RFWD3: variants seen among roughly 807,000 people sequenced by gnomAD.
The protein encoded by RFWD3 is E3 ubiquitin-protein ligase RFWD3.
A neutral mutation model predicts 87.7 loss-of-function variants in RFWD3; 65 were observed. The observed-to-expected ratio is 0.74, with a 90% CI of 0.61 to 0.91. The LOEUF (loss-of-function observed/expected upper bound fraction) is 0.91, where lower values mean the gene tolerates loss of function less well. Among genes scored for constraint, RFWD3 ranks in the 40% least tolerant of loss-of-function variants. The pLI, the probability that RFWD3 is intolerant of heterozygous loss-of-function variation, is 0.00. For synonymous variants in RFWD3, 433 were observed against 352.8 expected, an observed-to-expected ratio of 1.23 and a Z score of -2.55; for missense variants, 1,078 against 938.5, an observed-to-expected ratio of 1.15 and a Z score of -1.94.
At chr16:74,633,605 G>C (rs892881870) in intron 8 of RFWD3, among the ~76,000 whole-genome samples, 6 of 152,128 alleles carry the variant, frequency 3.9e-5, no homozygotes, top group Admixed American at 1.3e-4. Flanking sequence ...TGGGAGAGGA[G>C]GGAGGGGCAG....
Position 74,632,528 on chromosome 16 carries a change from CA to C in RFWD3, c.1571del (p.Leu524ArgfsTer56). 1 of 1,613,646 alleles carries C rather than the reference CA, an allele frequency of 6.2e-7. No individual in the cohort carries two copies. The highest frequency in any genetic ancestry group is 8.5e-7 in the Non-Finnish European group (1 of 1,179,724). On this transcript the variant is annotated frameshift_variant, in exon 9 of 13. Transcript: ENST00000361070. LOFTEE classifies it high-confidence loss of function. Reference protein sequence around the residue: ...LSASLDNTIKLTSLETNTVVQ... With the variant: ...LSASLDNTIKXTSLETNTVVQ... Reference sequence around the variant, plus strand: ...TACTTCCCCAAATCACTCACCTGGTCAGTTTAATAGTGTTGTCTAGGGAAGC... The same window carrying C: ...TACTTCCCCAAATCACTCACCTGGTCGTTTAATAGTGTTGTCTAGGGAAGC...
chr16:74,630,213 G>T (rs961937355), intron 10 of RFWD3, among the ~76,000 whole-genome samples: 1 of 151,944 alleles, frequency 6.6e-6, no homozygotes, highest in African/African-American at 2.4e-5. Flanking sequence ...CTTCTGCCTC[G>T]GCCTTCTGAG....
rs1959929541 is a variant in RFWD3, at chr16:74,644,349, T to G, written c.1079+13A>C. On this transcript the variant is annotated intron_variant, in intron 6 of 12. Transcript: ENST00000361070. Reference sequence around the variant, plus strand: ...AAGGGAACATTCCAGCCAGGCATACTCTTACCACCTACCTTTTCATGCGCT... The same window carrying G: ...AAGGGAACATTCCAGCCAGGCATACGCTTACCACCTACCTTTTCATGCGCT... 6.2e-7 allele frequency: 1 copy of G among 1,613,306 alleles called. No individual in the cohort carries two copies. Among genetic ancestry groups the G allele is most frequent in the Non-Finnish European group, 8.5e-7 (1 of 1,179,662 alleles).
chr16:74,640,123 C>G (rs1597429403), intron 6 of RFWD3, among the ~76,000 whole-genome samples: 1 of 150,584 alleles, frequency 6.6e-6, no homozygotes. Flanking sequence ...ACTACTGTAG[C>G]CCATTCATAC....
In RFWD3 at chr16:74,623,755, C is replaced by T. The variant is rs1958835709; in HGVS notation, c.*173G>A. On this transcript the variant is annotated 3_prime_UTR_variant, in exon 13 of 13. Transcript: ENST00000361070. ...ACTCTTTTAGTGGACATAACAGATA[C>T]ACAATCTGTAGTGTCTCAGTGACCT... The T allele has an allele frequency of 3.3e-6, 2 of 612,966 alleles. No individual in the cohort carries two copies. The highest frequency in any genetic ancestry group is 5.7e-5 in the East Asian group (2 of 34,990). The allele number at this position is 612,966 out of a possible 1,614,324, so 38.0% of individuals were successfully genotyped here.
chr16:74,651,334 T>C (rs1473607187), intron 3 of RFWD3, among the ~76,000 whole-genome samples: 5 of 152,196 alleles, frequency 3.3e-5, no homozygotes, highest in African/African-American at 9.6e-5. Flanking sequence ...ATAAAGAATC[T>C]AGGCCGGGTG....
In RFWD3 at chr16:74,622,105, A is replaced by C. The variant is rs543930319; in HGVS notation, c.*1823T>G. The stretch of plus-strand genomic sequence containing the variant: ...GGTACTTCAAAGAAAGTCAAATCCT[A>C]AGCCTGCCCAGGCCCAAAGACAAAG... On this transcript the variant is annotated 3_prime_UTR_variant, in exon 13 of 13. Coordinates refer to ENST00000361070, the MANE Select transcript of RFWD3 (RefSeq NM_018124.4). 13 of 152,298 alleles carry C rather than the reference A, an allele frequency of 8.5e-5. No homozygotes were observed. Among genetic ancestry groups the C allele is most frequent in the South Asian group, 4.2e-4 (2 of 4,816 alleles). The allele number at this position is 152,298 out of a possible 1,614,324, so 9.4% of individuals were successfully genotyped here. A position where few individuals can be genotyped will look rare whatever the true frequency, so the allele number is the denominator to read the frequency against.
chr16:74,632,789 C>T (rs1959141647), intron 8 of RFWD3, 116 bp from the exon 9 acceptor site: 1 of 907,096 alleles, frequency 1.1e-6, no homozygotes, highest in South Asian at 1.7e-5. Context: ...TCCTTGGGAA[C>T]CAGCTGGTCA....
chr16:74,625,051 C>T (rs1958886872), intron 12 of RFWD3, among the ~76,000 whole-genome samples: 1 of 151,758 alleles, frequency 6.6e-6, no homozygotes, highest in Non-Finnish European at 1.5e-5. Context: ...AAAAGTAGAG[C>T]TAGCCGGGCA....
At position 74,644,148 on chromosome 16, in the gene RFWD3, G is replaced by C. The variant is rs1359859007; in HGVS notation, c.1079+214C>G. ...AATGTGCCAGATCCTTGTGTTTAAT[G>C]CTCTACATAAGGCAAACGATGCAGA... is the stretch of plus-strand genomic sequence containing the variant. On this transcript the variant is annotated intron_variant, in intron 6 of 12. Coordinates refer to ENST00000361070, the MANE Select transcript of RFWD3 (RefSeq NM_018124.4). 4.2e-5 allele frequency: 25 copies of C among 602,166 alleles called. No homozygotes were observed. In the East Asian group the frequency reaches 6.7e-4, roughly 16 times the overall value. 37.3% of individuals were successfully genotyped at this position (602,166 alleles called of 1,614,324 possible).
rs1959037347 is a variant in RFWD3, at chr16:74,629,816, C to A, written c.1754+965G>T. ...GAAACATAAATTATCTGTTAAGATA[C>A]TTCAGATTTTGGCCAGGTCACAGAC... On this transcript the variant is annotated intron_variant, in intron 10 of 12. Transcript: ENST00000361070. 2.0e-5 allele frequency among the ~76,000 whole-genome samples: 3 copies of A among 152,092 alleles called. No individual in the cohort carries two copies. In the South Asian group the frequency reaches 6.2e-4, roughly 32 times the overall value.
At chr16:74,660,652 GA>G (rs1196726497) in intron 2 of RFWD3, 4 of 312,076 alleles carry the variant, frequency 1.3e-5, no homozygotes, top group African/African-American at 8.6e-5. Flanking sequence ...TGCAAGTGAA[GA>G]AAGAATTTTT....
chr16:74,660,702 CAG>C, intron 2 of RFWD3: 1 of 519,536 alleles, frequency 1.9e-6, no homozygotes, highest in Non-Finnish European at 3.4e-6. Context: ...CCAATCTCTA[CAG>C]AGATTGCCAA....
chr16:74,625,140 T>C (rs1958889692), intron 12 of RFWD3, among the ~76,000 whole-genome samples: 2 of 147,530 alleles, frequency 1.4e-5, no homozygotes, highest in South Asian at 4.3e-4. Context: ...GTGGAGGTTG[T>C]AGTAAGCCAA....
chr16:74,644,522 C>A lies in RFWD3; in HGVS notation c.987+19G>T, dbSNP rs1959947202. 6.2e-7 allele frequency: 1 copy of A among 1,614,010 alleles called. No individual in the cohort carries two copies. The highest frequency in any genetic ancestry group is 1.3e-5 in the African/African-American group (1 of 74,924). ...TGCCTGACTTAACATGTTAATGTGTCCTTACCTATGGTCCTTACCTGGGGA... is the reference window on the plus strand; with the variant it reads ...TGCCTGACTTAACATGTTAATGTGTACTTACCTATGGTCCTTACCTGGGGA... On this transcript the variant is annotated intron_variant, in intron 5 of 12. Coordinates refer to ENST00000361070, the MANE Select transcript of RFWD3 (RefSeq NM_018124.4).
intron 2 of RFWD3, among the ~76,000 whole-genome samples, chr16:74,658,196 G>A (rs1416032435): frequency 1.3e-5 from 2 of 152,092 alleles, no homozygotes; most frequent in African/African-American, 2.4e-5. Context: ...CCTAGACTCC[G>A]TATGCTCCAG....
intron 6 of RFWD3, among the ~76,000 whole-genome samples, chr16:74,642,466 TCTTTC>T (rs1280390505): frequency 6.6e-6 from 1 of 152,018 alleles, no homozygotes; most frequent in African/African-American, 2.4e-5. Flanking sequence ...TTTAAAATTT[TCTTTC>T]CTTTTTTTCC....
In RFWD3 at chr16:74,645,492, T is replaced by C. The variant is rs535148416; in HGVS notation, c.793-757A>G. Among the ~76,000 whole-genome samples the C allele has an allele frequency of 2.0e-5, 3 of 152,298 alleles. No individual in the cohort carries two copies. The South Asian group carries it at 6.2e-4, about 32-fold the overall frequency. On this transcript the variant is annotated intron_variant, in intron 4 of 12. Transcript: ENST00000361070. ...CTATTACATACTTAGACAACAAACC[T>C]GTATAGGATGTTACTGTACCAAATA...
intron 10 of RFWD3, among the ~76,000 whole-genome samples, chr16:74,630,288 C>T (rs926852870): frequency 3.9e-5 from 6 of 152,144 alleles, no homozygotes; most frequent in East Asian, 1.9e-4. Flanking sequence ...TCAGTAGAGA[C>T]GGGGTTTTAC....
Sources: allele counts gnomAD v4.1 joint callset (sites outside exome capture counted in the v4.1 genomes callset), GRCh38; gene constraint gnomAD v4.1.1; transcripts MANE v1.5; gene names NCBI Gene and HGNC (gene_info 2026-07-23, HGNC 2026-07-21).